FCHSD2: variants seen among roughly 807,000 people sequenced by gnomAD.
FCHSD2 encodes FCH and double SH3 domains 2, also known as F-BAR and double SH3 domains protein 2.
Under a neutral mutation model 108.1 loss-of-function variants are expected in FCHSD2, and 38 were observed. The ratio of observed to expected loss-of-function variants is 0.35; its 90% CI spans 0.27 to 0.46. The LOEUF is 0.46. Ranked by LOEUF, FCHSD2 falls within the 20% of genes least tolerant of loss-of-function variation. The probability of loss-of-function intolerance (pLI) is 1.00; values close to 1 mark genes in which losing one functional copy is unlikely to be tolerated. For synonymous variants in FCHSD2, 279 were observed against 314.7 expected (o/e 0.89, Z 1.20); for missense variants, 751 against 897.8 (o/e 0.84, Z 2.09).
chr11:72,861,926 C>T (rs57560627), intron 13 of FCHSD2, among the ~76,000 whole-genome samples: 9 of 64,392 alleles, frequency 1.4e-4, no homozygotes, highest in African/African-American at 1.9e-4. Context: ...AGCGAAACGC[C>T]GTCTCAAAAA....
chr11:73,128,921 G>A (rs1026815455), intron 2 of FCHSD2, among the ~76,000 whole-genome samples: 56 of 152,112 alleles, frequency 3.7e-4, no homozygotes, highest in African/African-American at 1.3e-3. Flanking sequence ...GCCCAGGCTG[G>A]AGTGTAGTGG....
intron 2 of FCHSD2, among the ~76,000 whole-genome samples, chr11:73,107,457 T>C (rs1231082745): frequency 1.3e-5 from 2 of 152,172 alleles, no homozygotes; most frequent in East Asian, 1.9e-4. Context: ...TTAGAGTAAA[T>C]GGGGTATCCA....
At chr11:73,137,831 G>A (rs1861159009) in intron 2 of FCHSD2, among the ~76,000 whole-genome samples, 1 of 152,180 alleles carries the variant, frequency 6.6e-6, no homozygotes, top group Non-Finnish European at 1.5e-5. Context: ...AGGATGCATG[G>A]GCATGAAACG....
At chr11:72,937,337 G>A (rs910239819) in intron 8 of FCHSD2, among the ~76,000 whole-genome samples, 2 of 152,228 alleles carry the variant, frequency 1.3e-5, no homozygotes, top group African/African-American at 4.8e-5. Flanking sequence ...TTTTGGCCAT[G>A]TTATTTAAAT....
rs115721767 is a variant in FCHSD2, at chr11:73,106,210, C to A, written c.120-22470G>T. On this transcript the variant is annotated intron_variant, in intron 2 of 19. Transcript: ENST00000409418. ...ACTGCTTTGGCCAAGGAGTTCGAGA[C>A]CAGCCTGGGAACATAGTGAGAACCC... is the stretch of plus-strand genomic sequence containing the variant. 9.8e-3 allele frequency among the ~76,000 whole-genome samples: 1,497 copies of A among 152,122 alleles called. 32 individuals carry two copies. The highest frequency in any genetic ancestry group is 0.034 in the African/African-American group (1,420 of 41,486).
rs934558190 is a variant in FCHSD2, at chr11:73,136,472, C to T, written c.119+3559G>A. Among the ~76,000 whole-genome samples, 7 of 145,762 alleles carry T rather than the reference C, an allele frequency of 4.8e-5. No homozygotes were observed. In the East Asian group the frequency reaches 8.7e-4, roughly 18 times the overall value. ...ATGAGATGGGAGGATCGCTTGAGCC[C>T]GAGAGGAGAGGTTGCAGTAAGCAGA... On this transcript the variant is annotated intron_variant, in intron 2 of 19. Transcript: ENST00000409418.
intron 5 of FCHSD2, among the ~76,000 whole-genome samples, chr11:73,000,025 CTG>C (rs1291903993): frequency 4.6e-5 from 7 of 152,264 alleles, no homozygotes; most frequent in Middle Eastern, 3.4e-3. Context: ...ATATGTTTAA[CTG>C]ACTAATATTA....
chr11:73,134,720 G>T (rs925803748), intron 2 of FCHSD2, among the ~76,000 whole-genome samples: 1 of 152,220 alleles, frequency 6.6e-6, no homozygotes, highest in Non-Finnish European at 1.5e-5. Flanking sequence ...TTTGACTTTG[G>T]TGAAACTCAC....
intron 2 of FCHSD2, among the ~76,000 whole-genome samples, chr11:73,110,701 T>C (rs1031615205): frequency 6.6e-6 from 1 of 152,154 alleles, no homozygotes; most frequent in African/African-American, 2.4e-5. Context: ...TCTTTTATTC[T>C]ACTAATTGTG....
At chr11:73,074,425 T>G (rs1859501691) in intron 3 of FCHSD2, among the ~76,000 whole-genome samples, 1 of 152,108 alleles carries the variant, frequency 6.6e-6, no homozygotes, top group Non-Finnish European at 1.5e-5. Context: ...AATGAAATCC[T>G]CACCCCAATA....
intron 2 of FCHSD2, among the ~76,000 whole-genome samples, chr11:73,107,317 A>C (rs988960352): frequency 6.6e-6 from 1 of 152,088 alleles, no homozygotes; most frequent in Non-Finnish European, 1.5e-5. Context: ...CAAAGTGCTG[A>C]GATTACAGGC....
intron 8 of FCHSD2, among the ~76,000 whole-genome samples, chr11:72,924,245 A>G (rs914468895): frequency 6.6e-6 from 1 of 152,020 alleles, no homozygotes; most frequent in African/African-American, 2.4e-5. Flanking sequence ...CTGGCTTACA[A>G]GTTTTAAATT....
chr11:72,895,857 T>C (rs1372296839), intron 10 of FCHSD2, among the ~76,000 whole-genome samples: 1 of 152,144 alleles, frequency 6.6e-6, no homozygotes, highest in African/African-American at 2.4e-5. Context: ...CAGGAGGACA[T>C]CCCACAAATT....
chr11:72,874,505 A>G (rs1044340295), intron 12 of FCHSD2, among the ~76,000 whole-genome samples: 1 of 152,224 alleles, frequency 6.6e-6, no homozygotes, highest in Non-Finnish European at 1.5e-5. Flanking sequence ...TATTCATTTT[A>G]AAACAATGAA....
At chr11:73,124,093 C>T (rs532156469) in intron 2 of FCHSD2, among the ~76,000 whole-genome samples, 13 of 152,198 alleles carry the variant, frequency 8.5e-5, no homozygotes, top group East Asian at 5.8e-4. Context: ...AAAAAGGATG[C>T]GTTCACGTCC....
chr11:73,057,888 T>C (rs1299287159), intron 3 of FCHSD2, among the ~76,000 whole-genome samples: 1 of 151,650 alleles, frequency 6.6e-6, no homozygotes, highest in Non-Finnish European at 1.5e-5. Context: ...TTCTTTTTTT[T>C]TTTTTTTTTG....
chr11:72,927,808 G>A (rs1856106438), intron 8 of FCHSD2, among the ~76,000 whole-genome samples: 1 of 152,128 alleles, frequency 6.6e-6, no homozygotes, highest in Admixed American at 6.5e-5. Context: ...TCCTGAATAG[G>A]GTCAAGAGCA....
chr11:73,136,645 C>A (rs1861126567), intron 2 of FCHSD2, among the ~76,000 whole-genome samples: 1 of 152,134 alleles, frequency 6.6e-6, no homozygotes, highest in African/African-American at 2.4e-5. Flanking sequence ...TTAAATTGAG[C>A]ATAAAGTTGG....
chr11:73,048,801 G>T (rs1338397520), intron 3 of FCHSD2, among the ~76,000 whole-genome samples: 2 of 152,140 alleles, frequency 1.3e-5, no homozygotes, highest in Non-Finnish European at 2.9e-5. Flanking sequence ...CAAGAGAAAG[G>T]GTGGGGAATG....
Sources: allele counts gnomAD v4.1 joint callset (sites outside exome capture counted in the v4.1 genomes callset), GRCh38; gene constraint gnomAD v4.1.1; transcripts MANE v1.5; gene names NCBI Gene and HGNC (gene_info 2026-07-23, HGNC 2026-07-21).